Variants in CRYBG1 observed in about 807,000 individuals in gnomAD.
The protein encoded by CRYBG1 is beta/gamma crystallin domain-containing protein 1.
A neutral mutation model predicts 189.2 loss-of-function variants in CRYBG1; 139 were observed. That is an observed-to-expected ratio of 0.73 (90% CI 0.64 to 0.85). The LOEUF is 0.85. Among genes scored for constraint, CRYBG1 ranks in the 40% least tolerant of loss-of-function variants. CRYBG1 has a pLI of 0.00. For missense variants in CRYBG1, 2,611 were observed against 2,675.8 expected (o/e 0.98, Z 0.53); for synonymous variants, 1,023 against 1,017.1 (o/e 1.01, Z -0.11).
intron 2 of CRYBG1, among the ~76,000 whole-genome samples, chr6:106,505,460 C>G (rs544783403): frequency 4.1e-4 from 63 of 152,182 alleles, no homozygotes; most frequent in Non-Finnish European, 7.9e-4. Flanking sequence ...AACTCCTGAC[C>G]TTAAGTGATC....
intron 1 of CRYBG1, among the ~76,000 whole-genome samples, chr6:106,398,308 A>G (rs1011937419): frequency 6.6e-6 from 1 of 152,130 alleles, no homozygotes; most frequent in African/African-American, 2.4e-5. Context: ...TGAGCTCATG[A>G]GTTCAAGATC....
At chr6:106,550,323 T>C (rs1267001770) in intron 13 of CRYBG1, among the ~76,000 whole-genome samples, 1 of 152,224 alleles carries the variant, frequency 6.6e-6, no homozygotes, top group East Asian at 1.9e-4. Context: ...CCCTACATAA[T>C]ACATACATAG....
chr6:106,494,664 C>T (rs1251707322), intron 2 of CRYBG1, among the ~76,000 whole-genome samples: 1 of 152,072 alleles, frequency 6.6e-6, no homozygotes, highest in African/African-American at 2.4e-5. Context: ...AAACTATAGA[C>T]TAAATGTTAT....
chr6:106,564,045 C>G (rs1424271807), intron 21 of CRYBG1, 119 bp downstream of exon 21: 1 of 1,048,432 alleles, frequency 9.5e-7, no homozygotes, highest in Non-Finnish European at 1.4e-6. Flanking sequence ...GTAAGAGAGC[C>G]CCTACTGTGT....
intron 1 of CRYBG1, among the ~76,000 whole-genome samples, chr6:106,361,974 T>TTCTTTC (rs1562285541): frequency 1.6e-5 from 2 of 128,128 alleles, no homozygotes; most frequent in African/African-American, 6.6e-5. Context: ...TCTTTCTTTT[T>TTCTTTC]TTTTTTTTTT....
chr6:106,390,170 T>A (rs1331636025), intron 1 of CRYBG1, among the ~76,000 whole-genome samples: 4 of 152,124 alleles, frequency 2.6e-5, no homozygotes, highest in Non-Finnish European at 2.9e-5. Context: ...AGATGAATCA[T>A]TTATAAAATG....
At chr6:106,408,410 T>C (rs1025422955) in intron 1 of CRYBG1, among the ~76,000 whole-genome samples, 37 of 152,130 alleles carry the variant, frequency 2.4e-4, no homozygotes, top group African/African-American at 8.4e-4. Flanking sequence ...AGCCTAGGAC[T>C]AGGCAGATTC....
At position 106,569,736 on chromosome 6, in the gene CRYBG1, T is replaced by G. The variant is rs564022592; in HGVS notation, c.*1170T>G. On this transcript the variant is annotated 3_prime_UTR_variant, in exon 22 of 22. Transcript: ENST00000633556. Reference sequence around the variant, plus strand: ...TTTCTTGTCCTCCTATCCACCTGCATCCACACATGGCCTGCATGGGGCTGC... The same window carrying G: ...TTTCTTGTCCTCCTATCCACCTGCAGCCACACATGGCCTGCATGGGGCTGC... 1 of 152,262 alleles carries G rather than the reference T, an allele frequency of 6.6e-6. No individual in the cohort carries two copies. The highest frequency in any genetic ancestry group is 2.4e-5 in the African/African-American group (1 of 41,466). 9.4% of individuals were successfully genotyped at this position (152,262 alleles called of 1,614,324 possible). A position where few individuals can be genotyped will look rare whatever the true frequency, so the allele number is the denominator to read the frequency against.
intron 13 of CRYBG1, among the ~76,000 whole-genome samples, chr6:106,551,011 CA>C (rs1179674799): frequency 2.0e-5 from 3 of 152,116 alleles, no homozygotes; most frequent in African/African-American, 4.8e-5. Context: ...ATTTTAGATT[CA>C]GGGGGTACAT....
intron 13 of CRYBG1, among the ~76,000 whole-genome samples, chr6:106,550,863 A>G (rs954510842): frequency 6.6e-6 from 1 of 150,692 alleles, no homozygotes; most frequent in African/African-American, 2.5e-5. Context: ...TACAATTAGA[A>G]AAAAAAAAGC....
intron 1 of CRYBG1, among the ~76,000 whole-genome samples, chr6:106,418,366 G>A (rs1248700178): frequency 2.0e-5 from 3 of 152,222 alleles, no homozygotes; most frequent in Admixed American, 6.5e-5. Context: ...GGTTTCATCT[G>A]GGACCAGCAG....
chr6:106,571,973 C>T lies in CRYBG1; in HGVS notation c.*3407C>T. On this transcript the variant is annotated 3_prime_UTR_variant, in exon 22 of 22. Coordinates refer to ENST00000633556, the MANE Select transcript of CRYBG1 (RefSeq NM_001371242.2). ...GGCACTCACCAAATAAGAACGTCAA[C>T]AATCACTAAACTGCATTTTTATTTA... The T allele has an allele frequency of 1.9e-6, 3 of 1,575,482 alleles. No individual in the cohort carries two copies. The highest frequency in any genetic ancestry group is 2.6e-6 in the Non-Finnish European group (3 of 1,146,296).
chr6:106,423,695 C>CT (rs869170326), intron 1 of CRYBG1, among the ~76,000 whole-genome samples: 566 of 42,946 alleles, frequency 0.013, 24 homozygotes, highest in Non-Finnish European at 0.023. Flanking sequence ...TCTCCCTCCC[C>CT]TTTTTTTTTT....
chr6:106,552,582 CAAAAAAAAAAA>C (rs58470981), intron 15 of CRYBG1, among the ~76,000 whole-genome samples: 28 of 67,646 alleles, frequency 4.1e-4, no homozygotes, highest in East Asian at 1.8e-3. Context: ...GACTCTGTCT[CAAAAAAAAAAA>C]AAAAAAAAAA....
intron 2 of CRYBG1, among the ~76,000 whole-genome samples, chr6:106,482,814 AT>A (rs1772498865): frequency 1.3e-5 from 2 of 151,892 alleles, no homozygotes; most frequent in African/African-American, 4.8e-5. Context: ...TAAAAAAAGA[AT>A]TCTTCCTACC....
chr6:106,511,617 G>A lies in CRYBG1; in HGVS notation c.500G>A (p.Arg167Lys), dbSNP rs923377136. The A allele has an allele frequency of 9.1e-6, 14 of 1,535,674 alleles. No individual in the cohort carries two copies. The African/African-American group carries it at 1.9e-4, about 21-fold the overall frequency. The part of the protein sequence containing the change: ...SPKLPERESE[R>K]SRSQSSQLKQ... ...AAGCTCCCAGAGAGAGAGAGTGAGA[G>A]GAGCAGATCTCAGAGCAGCCAACTG... The change falls in exon 3 of 22, where the codon AGG (arginine) becomes AAG (lysine). Residue 167 changes from arginine (R) to lysine (K), a missense_variant. Arg to Lys is a conservative substitution (Grantham distance 26). Around this residue, in one of 3 missense-constraint regions of CRYBG1, gnomAD observed 985 missense variants for 924.4 expected, o/e 1.07. Transcript: ENST00000633556.
chr6:106,485,570 T>G (rs1772578429), intron 2 of CRYBG1, among the ~76,000 whole-genome samples: 1 of 152,202 alleles, frequency 6.6e-6, no homozygotes, highest in South Asian at 2.1e-4. Context: ...ACCCTTGTCT[T>G]ATTTGTGATC....
chr6:106,490,206 C>T (rs1772688923), intron 2 of CRYBG1, among the ~76,000 whole-genome samples: 1 of 152,224 alleles, frequency 6.6e-6, no homozygotes. Flanking sequence ...GAGAATCCCT[C>T]CTTCACCCTG....
chr6:106,438,391 C>G (rs1238022459), intron 1 of CRYBG1, among the ~76,000 whole-genome samples: 1 of 152,154 alleles, frequency 6.6e-6, no homozygotes, highest in Non-Finnish European at 1.5e-5. Flanking sequence ...AGTTTTTTCT[C>G]TCTCACAGTC....
Sources: allele counts gnomAD v4.1 joint callset (sites outside exome capture counted in the v4.1 genomes callset), GRCh38; gene constraint gnomAD v4.1.1; regional missense constraint gnomAD v4.1.1; transcripts MANE v1.5; gene names NCBI Gene and HGNC (gene_info 2026-07-23, HGNC 2026-07-21).